Variants in SGIP1 observed in about 807,000 individuals in gnomAD.
SGIP1 encodes the protein SH3-containing GRB2-like protein 3-interacting protein 1.
Under a neutral mutation model 107.5 loss-of-function variants are expected in SGIP1, and 38 were observed. That is an observed-to-expected ratio of 0.35 (90% CI 0.27 to 0.46). The LOEUF is 0.46. Ranked by LOEUF, SGIP1 falls within the 20% of genes least tolerant of loss-of-function variation. SGIP1 has a pLI of 1.00. For synonymous variants in SGIP1, 365 were observed against 366.1 expected (o/e 1.00, Z 0.03); for missense variants, 929 against 1,019.5 (o/e 0.91, Z 1.21).
At chr1:66,608,805 A>G (rs2067343707) in intron 1 of SGIP1, among the ~76,000 whole-genome samples, 1 of 152,174 alleles carries the variant, frequency 6.6e-6, no homozygotes, top group South Asian at 2.1e-4. Context: ...TCAGTGTTGT[A>G]TGGACTCGCC....
intron 1 of SGIP1, among the ~76,000 whole-genome samples, chr1:66,602,520 G>A (rs2066039781): frequency 6.6e-6 from 1 of 152,074 alleles, no homozygotes; most frequent in South Asian, 2.1e-4. Context: ...TTGTTATGGA[G>A]AACAAATGAA....
intron 1 of SGIP1, among the ~76,000 whole-genome samples, chr1:66,539,530 G>T (rs1044690533): frequency 2.0e-5 from 3 of 152,154 alleles, no homozygotes; most frequent in Non-Finnish European, 4.4e-5. Flanking sequence ...TGACTTCCTT[G>T]TTTAAGAAAA....
At chr1:66,640,590 G>A (rs1025418271) in intron 5 of SGIP1, among the ~76,000 whole-genome samples, 4 of 152,168 alleles carry the variant, frequency 2.6e-5, no homozygotes, top group African/African-American at 7.2e-5. Flanking sequence ...CAAATGTTGG[G>A]AAGGAGAGAA....
chr1:66,718,807 G>A (rs1429611431), intron 18 of SGIP1, among the ~76,000 whole-genome samples: 1 of 152,036 alleles, frequency 6.6e-6, no homozygotes, highest in Non-Finnish European at 1.5e-5. Flanking sequence ...GAGAGTAACT[G>A]GGCTTTTTGA....
At chr1:66,592,897 C>CTTTTTTTTTTTTTTTTTTTTTTTTTTTT (rs35762612) in intron 1 of SGIP1, among the ~76,000 whole-genome samples, 1 of 56,340 alleles carries the variant, frequency 1.8e-5, no homozygotes, top group African/African-American at 8.6e-5. Context: ...TCTTCTTCTT[C>CTTTTTTTTTTTTTTTTTTTTTTTTTTTT]TTTTTTTTTT....
At chr1:66,677,857 G>A (rs2085746715) in intron 13 of SGIP1, among the ~76,000 whole-genome samples, 1 of 152,210 alleles carries the variant, frequency 6.6e-6, no homozygotes, top group Non-Finnish European at 1.5e-5. Flanking sequence ...TGCAGAGGAT[G>A]TTTTTACTCC....
At chr1:66,546,884 C>T (rs922868971) in intron 1 of SGIP1, among the ~76,000 whole-genome samples, 11 of 152,180 alleles carry the variant, frequency 7.2e-5, no homozygotes, top group African/African-American at 2.7e-4. Flanking sequence ...GTCCTTTCTG[C>T]AAGTCCCGAC....
At chr1:66,607,160 T>G (rs1202027435) in intron 1 of SGIP1, among the ~76,000 whole-genome samples, 1 of 152,242 alleles carries the variant, frequency 6.6e-6, no homozygotes, top group African/African-American at 2.4e-5. Flanking sequence ...TAATTGCTGA[T>G]GAAACATGCT....
In SGIP1 at chr1:66,739,429, A is replaced by G; in HGVS notation, c.2126A>G (p.Tyr709Cys). 1 of 1,614,198 alleles carries G rather than the reference A, an allele frequency of 6.2e-7. No homozygotes were observed. Among genetic ancestry groups the G allele is most frequent in the Non-Finnish European group, 8.5e-7 (1 of 1,180,050 alleles). The stretch of plus-strand genomic sequence containing the variant: ...ACTGACCTGCGCATAGATTACAAAT[A>G]TAATACAGATGCAATGACGACTGCT... ...SSTDLRIDYK[Y>C]NTDAMTTAVA... Residue 709 changes from tyrosine to cysteine, a missense_variant, in exon 22 of 25, where the codon TAT becomes TGT. Physicochemically the swap from Tyr to Cys is radical, Grantham distance 194. Around this residue, in one of 2 missense-constraint regions of SGIP1, gnomAD observed 341 missense variants for 430.9 expected, o/e 0.79. Coordinates refer to ENST00000371037, the MANE Select transcript of SGIP1 (RefSeq NM_032291.4).
At chr1:66,587,164 T>A (rs2062763585) in intron 1 of SGIP1, among the ~76,000 whole-genome samples, 1 of 152,122 alleles carries the variant, frequency 6.6e-6, no homozygotes, top group African/African-American at 2.4e-5. Context: ...ACAGCATATA[T>A]CATTTCTTTG....
At chr1:66,585,697 C>T (rs931202596) in intron 1 of SGIP1, among the ~76,000 whole-genome samples, 3 of 151,534 alleles carry the variant, frequency 2.0e-5, no homozygotes, top group East Asian at 1.9e-4. Context: ...GTCGTGTTGG[C>T]GAGGCTGGTC....
At chr1:66,627,208 G>A (rs1024061354) in intron 2 of SGIP1, among the ~76,000 whole-genome samples, 2 of 152,060 alleles carry the variant, frequency 1.3e-5, no homozygotes, top group African/African-American at 4.8e-5. Flanking sequence ...ATGGGAATTT[G>A]AGGGTGAAAA....
intron 21 of SGIP1, among the ~76,000 whole-genome samples, chr1:66,736,297 A>C (rs1475615203): frequency 1.4e-5 from 2 of 146,804 alleles, no homozygotes; most frequent in Non-Finnish European, 3.0e-5. Flanking sequence ...AATATTATAT[A>C]AAATATGCAA....
rs2094547721 is a variant in SGIP1 at position 66,746,008 on chromosome 1, A to G, written c.*2913A>G. The G allele has an allele frequency of 1.3e-5, 2 of 152,170 alleles. No homozygotes were observed. The highest frequency in any genetic ancestry group is 1.3e-4 in the Admixed American group (2 of 15,278). 9.4% of individuals were successfully genotyped at this position (152,170 alleles called of 1,614,324 possible). ...TTTGGGAATATATTTCACCTGTAAA[A>G]GAAAGAATGTCCACAATTCAAACGG... is the stretch of plus-strand genomic sequence containing the variant. On this transcript the variant is annotated 3_prime_UTR_variant, in exon 25 of 25. Coordinates refer to ENST00000371037, the MANE Select transcript of SGIP1 (RefSeq NM_032291.4).
chr1:66,578,019 T>C (rs2061318353), intron 1 of SGIP1, among the ~76,000 whole-genome samples: 1 of 152,218 alleles, frequency 6.6e-6, no homozygotes, highest in African/African-American at 2.4e-5. Context: ...TCAATGTTAT[T>C]TAGAAGTTGG....
In SGIP1 at chr1:66,750,261, T is replaced by C. The variant is rs901143249; in HGVS notation, c.*7166T>C. 2.6e-5 allele frequency among the ~76,000 whole-genome samples: 4 copies of C among 152,184 alleles called. No homozygotes were observed. The highest frequency in any genetic ancestry group is 7.2e-5 in the African/African-American group (3 of 41,446). On this transcript the variant is annotated 3_prime_UTR_variant, in exon 25 of 25. Coordinates refer to ENST00000371037, the MANE Select transcript of SGIP1 (RefSeq NM_032291.4). The stretch of plus-strand genomic sequence containing the variant: ...TGTTTTCGATTAAAAAGAGTTTTTG[T>C]TTGTTTTTCACTTGTATAGTAAAAG...
At chr1:66,687,204 C>T (rs1186476130) in intron 15 of SGIP1, among the ~76,000 whole-genome samples, 1 of 151,792 alleles carries the variant, frequency 6.6e-6, no homozygotes, top group Non-Finnish European at 1.5e-5. Flanking sequence ...CAAAAGACTA[C>T]TTCTTGGAAA....
chr1:66,718,937 G>T (rs1019201951), intron 18 of SGIP1, among the ~76,000 whole-genome samples: 3 of 152,126 alleles, frequency 2.0e-5, no homozygotes, highest in African/African-American at 7.2e-5. Flanking sequence ...GCTCAAATAG[G>T]AAACTAATAA....
chr1:66,694,532 A>C, intron 17 of SGIP1: 1 of 1,536,724 alleles, frequency 6.5e-7, no homozygotes, highest in Non-Finnish European at 8.7e-7. Flanking sequence ...TGATCTCTAG[A>C]GACCTAGATT....
Sources: allele counts gnomAD v4.1 joint callset (sites outside exome capture counted in the v4.1 genomes callset), GRCh38; gene constraint gnomAD v4.1.1; regional missense constraint gnomAD v4.1.1; transcripts MANE v1.5; gene names NCBI Gene and HGNC (gene_info 2026-07-23, HGNC 2026-07-21).